Variants in LIPA observed in about 807,000 individuals in gnomAD.
LIPA encodes the protein lysosomal acid lipase/cholesteryl ester hydrolase.
A neutral mutation model predicts 40.6 loss-of-function variants in LIPA; 26 were observed. That is an observed-to-expected ratio of 0.64 (90% confidence interval 0.47 to 0.89). LIPA has a LOEUF of 0.89. LIPA is among the 40% of genes least tolerant of loss of function. The pLI is 0.00. For synonymous variants in LIPA, 188 were observed against 168.4 expected (o/e 1.12, Z -0.90); for missense variants, 455 against 479.6 (o/e 0.95, Z 0.48).
chr10:89,319,982 A>G (rs1843562525), intron 1 of LIPA, among the ~76,000 whole-genome samples: 2 of 152,256 alleles, frequency 1.3e-5, no homozygotes, highest in South Asian at 4.1e-4. Context: ...GATTATCTCA[A>G]TAGATGCAGA....
intron 2 of LIPA, chr10:89,404,675 G>T (rs992150215): frequency 3.9e-5 from 6 of 152,274 alleles, no homozygotes; most frequent in African/African-American, 1.2e-4. Flanking sequence ...TGCAGGAGAG[G>T]AGGCTGCAGT....
chr10:89,410,852 T>C (rs1841462972), intron 2 of LIPA, among the ~76,000 whole-genome samples: 1 of 151,768 alleles, frequency 6.6e-6, no homozygotes, highest in African/African-American at 2.4e-5. Context: ...AACAGCAGCA[T>C]AAGCCACTGG....
chr10:89,231,609 G>T (rs962115978), intron 3 of LIPA, among the ~76,000 whole-genome samples: 1 of 152,150 alleles, frequency 6.6e-6, no homozygotes, highest in Non-Finnish European at 1.5e-5. Flanking sequence ...GAAGAACTGG[G>T]ATTACAGGTG....
intron 1 of LIPA, chr10:89,339,909 G>T: frequency 6.2e-7 from 1 of 1,614,128 alleles, no homozygotes; most frequent in Non-Finnish European, 8.5e-7. Context: ...CAAATTATTG[G>T]TATCTTCAAG....
At chr10:89,341,765 G>C (rs1843872801) in intron 1 of LIPA, among the ~76,000 whole-genome samples, 1 of 152,152 alleles carries the variant, frequency 6.6e-6, no homozygotes, top group Non-Finnish European at 1.5e-5. Flanking sequence ...TTGCCCTCTG[G>C]TATTCACAGA....
intron 1 of LIPA, among the ~76,000 whole-genome samples, chr10:89,309,921 C>T (rs769343251): frequency 3.3e-5 from 5 of 152,174 alleles, no homozygotes; most frequent in Admixed American, 2.0e-4. Context: ...TCATCCAACA[C>T]GGCAAGCCCC....
intron 1 of LIPA, among the ~76,000 whole-genome samples, chr10:89,325,428 T>C (rs183626704): frequency 1.2e-4 from 19 of 152,288 alleles, no homozygotes; most frequent in East Asian, 5.8e-4. Flanking sequence ...ATGTTCATCA[T>C]AGCACTATTC....
chr10:89,367,709 G>T (rs889300558), intron 2 of LIPA, among the ~76,000 whole-genome samples: 1 of 152,208 alleles, frequency 6.6e-6, no homozygotes, highest in Non-Finnish European at 1.5e-5. Context: ...CACCTATTAT[G>T]TGTGAGAGAA....
At chr10:89,257,828 G>A (rs1843188456) in intron 1 of LIPA, among the ~76,000 whole-genome samples, 1 of 152,244 alleles carries the variant, frequency 6.6e-6, no homozygotes, top group African/African-American at 2.4e-5. Context: ...AAGAGAGAGA[G>A]AGGCTGTGGC....
chr10:89,257,148 T>A (rs1168870172), intron 1 of LIPA, among the ~76,000 whole-genome samples: 1 of 152,220 alleles, frequency 6.6e-6, no homozygotes, highest in African/African-American at 2.4e-5. Flanking sequence ...AGTTGCTGAA[T>A]AGACATCCTT....
intron 2 of LIPA, among the ~76,000 whole-genome samples, chr10:89,368,660 AC>A (rs1844074546): frequency 6.6e-6 from 1 of 152,218 alleles, no homozygotes; most frequent in African/African-American, 2.4e-5. Context: ...AAACATGGTG[AC>A]AAAAAGCAAA....
intron 4 of LIPA, 153 bp from the exon 5 acceptor site, chr10:89,227,157 G>T: frequency 1.5e-6 from 1 of 651,142 alleles, no homozygotes; most frequent in South Asian, 1.7e-5. Context: ...GACTGCAGAA[G>T]CCCCCTTGGG....
At position 89,338,977 on chromosome 10, in the gene LIPA, G is replaced by A. The variant is rs1375183968; in HGVS notation, c.-2+3634C>T. ...CTACGCCTGGGTCTACTATCACTTG[G>A]GCAGACTCTCAGATGCTCAGATTTA... On this transcript the variant is annotated intron_variant, in intron 1 of 5. Transcript: ENST00000282673. 24 of 1,613,966 alleles carry A rather than the reference G, an allele frequency of 1.5e-5. No homozygotes were observed. The highest frequency in any genetic ancestry group is 2.0e-5 in the Non-Finnish European group (24 of 1,180,006).
intron 2 of LIPA, chr10:89,403,520 G>T (rs200504886): frequency 2.1e-5 from 34 of 1,613,558 alleles, no homozygotes; most frequent in Non-Finnish European, 2.9e-5. Flanking sequence ...CATTAACAAG[G>T]GATAAAAGTA....
chr10:89,250,107 C>CTTTTTTTTTTTTTTTTTT lies in LIPA; in HGVS notation c.-2+1629_-2+1630insAAAAAAAAAAAAAAAAAA, dbSNP rs398038546. Among the ~76,000 whole-genome samples, 85 of 96,030 alleles carry CTTTTTTTTTTTTTTTTTT rather than the reference C, an allele frequency of 8.9e-4. 1 individual carries two copies. Among genetic ancestry groups the CTTTTTTTTTTTTTTTTTT allele is most frequent in the African/African-American group, 1.4e-3 (31 of 21,964 alleles). The allele number at this position is 96,030 out of a possible 152,430, so 63.0% of individuals were successfully genotyped here. ...TTTTTCTTTTTCTTTTCTTTTCTTT[C>CTTTTTTTTTTTTTTTTTT]TTTTTTTTTTTTGAGACAGTCTTGC... On this transcript the variant is annotated intron_variant, in intron 1 of 9. Transcript: ENST00000336233.
At chr10:89,331,403 C>T (rs1589603992) in intron 1 of LIPA, among the ~76,000 whole-genome samples, 1 of 152,096 alleles carries the variant, frequency 6.6e-6, no homozygotes, top group Non-Finnish European at 1.5e-5. Context: ...GAACTCCTGA[C>T]CTTAAGTGAT....
chr10:89,304,587 G>T (rs1843466299), intron 1 of LIPA, among the ~76,000 whole-genome samples: 1 of 152,012 alleles, frequency 6.6e-6, no homozygotes, highest in Non-Finnish European at 1.5e-5. Context: ...AAGGGTTGCT[G>T]TATAGATACC....
At chr10:89,232,388 G>T (rs969239516) in intron 3 of LIPA, among the ~76,000 whole-genome samples, 1 of 152,130 alleles carries the variant, frequency 6.6e-6, no homozygotes, top group Admixed American at 6.5e-5. Context: ...GCTCCCACAG[G>T]TCAGGTCATT....
intron 1 of LIPA, among the ~76,000 whole-genome samples, chr10:89,333,053 G>A (rs975073213): frequency 2.0e-5 from 3 of 152,230 alleles, no homozygotes; most frequent in African/African-American, 7.2e-5. Flanking sequence ...CTCAGCAAAT[G>A]TGTCAATAAT....
Sources: gnomAD v4.1 joint callset for allele counts (sites outside exome capture counted in the v4.1 genomes callset) on GRCh38, gnomAD v4.1.1 for gene constraint, MANE v1.5 for transcripts, NCBI Gene and HGNC (gene_info 2026-07-23, HGNC 2026-07-21) for gene names.